TM4SF4: variants seen among roughly 807,000 people sequenced by gnomAD.
TM4SF4 encodes transmembrane 4 L6 family member 4.
TM4SF4 carries 24 observed loss-of-function variants against 24.1 expected under a neutral mutation model. The observed-to-expected ratio is 1.00, with a 90% CI of 0.72 to 1.40. The LOEUF is 1.40. Ranked by LOEUF, TM4SF4 falls within the 40% of genes most tolerant of loss-of-function variation. The pLI, the probability that TM4SF4 is intolerant of heterozygous loss-of-function variation, is 0.00. For synonymous variants in TM4SF4, 113 were observed against 97.0 expected, an observed-to-expected ratio of 1.17 and a Z score of -0.97; for missense variants, 254 against 254.2, an observed-to-expected ratio of 1.00 and a Z score of 0.01.
chr3:149,497,995 T>C (rs1373495468), intron 3 of TM4SF4, among the ~76,000 whole-genome samples: 3 of 152,210 alleles, frequency 2.0e-5, no homozygotes, highest in Non-Finnish European at 2.9e-5. Context: ...AATATAAATA[T>C]ATTGCAGTTT....
intron 3 of TM4SF4, among the ~76,000 whole-genome samples, chr3:149,491,046 C>A (rs1734201676): frequency 6.6e-6 from 1 of 152,024 alleles, no homozygotes; most frequent in Non-Finnish European, 1.5e-5. Flanking sequence ...CTCACCTAAT[C>A]TTCCTCATAA....
chr3:149,476,539 C>T (rs932317458), intron 2 of TM4SF4, among the ~76,000 whole-genome samples: 38 of 152,202 alleles, frequency 2.5e-4, no homozygotes, highest in African/African-American at 8.4e-4. Context: ...GACATGGGGA[C>T]AGGACCCATT....
chr3:149,492,977 A>G (rs747848970), intron 3 of TM4SF4, among the ~76,000 whole-genome samples: 5 of 152,208 alleles, frequency 3.3e-5, no homozygotes, highest in African/African-American at 4.8e-5. Context: ...CACCTCTGCC[A>G]TATACCATTT....
At chr3:149,486,369 T>C (rs941812257) in intron 2 of TM4SF4, among the ~76,000 whole-genome samples, 1 of 152,220 alleles carries the variant, frequency 6.6e-6, no homozygotes, top group African/African-American at 2.4e-5. Flanking sequence ...AGCTGAGATA[T>C]GAGCCTGGGT....
intron 2 of TM4SF4, among the ~76,000 whole-genome samples, chr3:149,480,156 G>C (rs982035988): frequency 6.6e-6 from 1 of 151,578 alleles, no homozygotes; most frequent in Admixed American, 6.6e-5. Context: ...GCCTGGGTTT[G>C]TTTTCAGGTC....
At chr3:149,480,738 G>A (rs56119618) in intron 2 of TM4SF4, among the ~76,000 whole-genome samples, 6,898 of 151,922 alleles carry the variant, frequency 0.045, 154 homozygotes, top group Middle Eastern at 0.071. Flanking sequence ...TTCCTTTAGA[G>A]AAATGGAATA....
chr3:149,487,852 C>T (rs1734146265), intron 3 of TM4SF4, 97 bp downstream of exon 3: 1 of 1,510,964 alleles, frequency 6.6e-7, no homozygotes, highest in East Asian at 2.3e-5. Context: ...TGTCTTCATC[C>T]TTATGCAAGC....
At chr3:149,493,311 A>G (rs556600243) in intron 3 of TM4SF4, among the ~76,000 whole-genome samples, 2 of 152,358 alleles carry the variant, frequency 1.3e-5, no homozygotes, top group Non-Finnish European at 2.9e-5. Flanking sequence ...TTATAGATGT[A>G]TAAATCAAAT....
chr3:149,494,077 CT>C (rs1734266435), intron 3 of TM4SF4, among the ~76,000 whole-genome samples: 2 of 152,208 alleles, frequency 1.3e-5, no homozygotes, highest in Admixed American at 6.5e-5. Flanking sequence ...TGCTTCTGCT[CT>C]CCTTGCTTCA....
At chr3:149,493,442 T>C (rs1401382662) in intron 3 of TM4SF4, among the ~76,000 whole-genome samples, 1 of 152,198 alleles carries the variant, frequency 6.6e-6, no homozygotes, top group African/African-American at 2.4e-5. Flanking sequence ...CCCAGGCACT[T>C]CCATTTACTA....
At chr3:149,480,522 G>A (rs552341827) in intron 2 of TM4SF4, among the ~76,000 whole-genome samples, 2 of 152,206 alleles carry the variant, frequency 1.3e-5, no homozygotes, top group South Asian at 4.2e-4. Flanking sequence ...TTGAAGAAAG[G>A]TCTTGGTCAG....
At chr3:149,476,549 T>A (rs974948656) in intron 2 of TM4SF4, among the ~76,000 whole-genome samples, 2 of 152,170 alleles carry the variant, frequency 1.3e-5, no homozygotes, top group Non-Finnish European at 2.9e-5. Context: ...CAGGACCCAT[T>A]CTGCAATTGA....
At chr3:149,477,920 G>A (rs1216872297) in intron 2 of TM4SF4, among the ~76,000 whole-genome samples, 1 of 151,952 alleles carries the variant, frequency 6.6e-6, no homozygotes, top group African/African-American at 2.4e-5. Context: ...AGAAAGAAGA[G>A]TCATTTATTT....
At chr3:149,501,287 G>C (rs1342063672) in intron 4 of TM4SF4, among the ~76,000 whole-genome samples, 1 of 152,148 alleles carries the variant, frequency 6.6e-6, no homozygotes, top group Non-Finnish European at 1.5e-5. Context: ...GACTCACAGA[G>C]GGTGAATGTA....
chr3:149,487,625 A>T lies in TM4SF4; in HGVS notation c.271A>T (p.Thr91Ser). 6.2e-7 allele frequency: 1 copy of T among 1,613,716 alleles called. No homozygotes were observed. Among genetic ancestry groups the T allele is most frequent in the Non-Finnish European group, 8.5e-7 (1 of 1,179,822 alleles). Residue 91 changes from threonine to serine, a missense_variant, in exon 3 of 5, where the codon ACC (threonine) becomes TCC (serine). By Grantham distance (58) the Thr-to-Ser change is moderately conservative (BLOSUM62 1). Coordinates refer to ENST00000305354, the MANE Select transcript of TM4SF4 (RefSeq NM_004617.4). ...CTCTCTTCCTCTCTTTCAGATGTTC[A>T]CCTCCACGATATTTGCTGTGGTTGG... ...EGCGKRFAMF[T>S]STIFAVVGFL... is the part of the protein sequence containing the mutation.
intron 2 of TM4SF4, among the ~76,000 whole-genome samples, chr3:149,486,173 A>G (rs1266748342): frequency 1.3e-5 from 2 of 152,206 alleles, no homozygotes; most frequent in East Asian, 3.8e-4. Flanking sequence ...GATATGTACT[A>G]TGATAATATT....
intron 2 of TM4SF4, among the ~76,000 whole-genome samples, chr3:149,480,693 T>A (rs1734018983): frequency 1.3e-5 from 2 of 152,078 alleles, no homozygotes; most frequent in South Asian, 4.1e-4. Flanking sequence ...TTCCTTGGAA[T>A]GACAGCCAAC....
At chr3:149,495,728 T>C (rs745657070) in intron 3 of TM4SF4, 2 of 232,750 alleles carry the variant, frequency 8.6e-6, no homozygotes, top group Non-Finnish European at 1.8e-5. Context: ...TCACATTGCT[T>C]CCAAGTTTGC....
chr3:149,498,941 A>G (rs371536338), intron 4 of TM4SF4, 30 bp downstream of exon 4: 3 of 1,611,100 alleles, frequency 1.9e-6, no homozygotes, highest in African/African-American at 2.7e-5. Context: ...GTTTCTTCTC[A>G]GCATGAGGGA....
Sources: gnomAD v4.1 joint callset for allele counts (sites outside exome capture counted in the v4.1 genomes callset) on GRCh38, gnomAD v4.1.1 for gene constraint, MANE v1.5 for transcripts, NCBI Gene and HGNC (gene_info 2026-07-23, HGNC 2026-07-21) for gene names.